PLB1: variants seen among roughly 807,000 people sequenced by gnomAD.
PLB1 encodes the protein phospholipase B1, membrane-associated.
In PLB1, 242 loss-of-function variants were observed where a neutral mutation model predicts 227.4. The ratio of observed to expected loss-of-function variants is 1.06; its 90% CI spans 0.96 to 1.18. PLB1 has a LOEUF of 1.18. PLB1 is among the 50% of genes most tolerant of loss of function. The pLI, the probability that PLB1 is intolerant of heterozygous loss-of-function variation, is 0.00. For missense variants in PLB1, 1,858 were observed against 1,816.3 expected (o/e 1.02, Z -0.42); for synonymous variants, 757 against 682.2 (o/e 1.11, Z -1.71).
At chr2:28,630,052 T>G (rs1187525347) in intron 53 of PLB1, among the ~76,000 whole-genome samples, 1 of 152,188 alleles carries the variant, frequency 6.6e-6, no homozygotes, top group African/African-American at 2.4e-5. Context: ...GTGTTCCATG[T>G]TGTCAGAGTT....
At chr2:28,549,408 C>CTTT (rs1572906840) in intron 15 of PLB1, among the ~76,000 whole-genome samples, 4 of 60,676 alleles carry the variant, frequency 6.6e-5, no homozygotes, top group South Asian at 6.0e-4. Context: ...GAATGAGATT[C>CTTT]TTTCTTTTTT....
At chr2:28,556,093 GC>G (rs548461055) in intron 17 of PLB1, among the ~76,000 whole-genome samples, 72 of 151,964 alleles carry the variant, frequency 4.7e-4, no homozygotes, top group Non-Finnish European at 8.2e-4. Context: ...GAACTCCTGG[GC>G]TCAAATGATC....
At chr2:28,568,082 T>C (rs1255624308) in intron 20 of PLB1, among the ~76,000 whole-genome samples, 1 of 152,218 alleles carries the variant, frequency 6.6e-6, no homozygotes, top group Admixed American at 6.5e-5. Context: ...CTTCACTTTA[T>C]CTGTTTTGGT....
At chr2:28,627,662 C>T (rs1295249576) in intron 51 of PLB1, among the ~76,000 whole-genome samples, 1 of 152,214 alleles carries the variant, frequency 6.6e-6, no homozygotes. Flanking sequence ...TGGCCAGAAA[C>T]TCAGCGAACA....
intron 21 of PLB1, among the ~76,000 whole-genome samples, chr2:28,576,272 C>G (rs556845199): frequency 2.0e-5 from 3 of 152,330 alleles, no homozygotes; most frequent in African/African-American, 7.2e-5. Flanking sequence ...CATAGTCCAG[C>G]CTTGTGCCCT....
At chr2:28,635,226 T>TTAATTTAATGTTAATGTTTAGTTTAATG (rs1412297450) in intron 56 of PLB1, among the ~76,000 whole-genome samples, 3 of 152,204 alleles carry the variant, frequency 2.0e-5, no homozygotes, top group Non-Finnish European at 2.9e-5. Context: ...AGTCTAATGT[T>TTAATTTAATGTTAATGTTTAGTTTAATG]TTCATCCAAA....
At chr2:28,516,964 C>CA (rs1307841539) in intron 2 of PLB1, 95 bp downstream of exon 2, 2 of 1,255,874 alleles carry the variant, frequency 1.6e-6, no homozygotes, top group African/African-American at 3.0e-5. Flanking sequence ...TGCAAGTTGA[C>CA]AGGCCCCTTC....
At chr2:28,498,380 A>G (rs1048378138) in intron 1 of PLB1, among the ~76,000 whole-genome samples, 4 of 148,756 alleles carry the variant, frequency 2.7e-5, no homozygotes, top group African/African-American at 7.3e-5. Flanking sequence ...CACTCAGGTT[A>G]TATAATCAAA....
chr2:28,629,035 C>T (rs1688221756), intron 52 of PLB1, 59 bp from the exon 53 acceptor site: 3 of 1,448,772 alleles, frequency 2.1e-6, no homozygotes, highest in South Asian at 2.5e-5. Flanking sequence ...GTAGATGACC[C>T]CCAGGTTCCT....
intron 45 of PLB1, 98 bp downstream of exon 45, chr2:28,617,885 C>T (rs1686423994): frequency 8.1e-7 from 1 of 1,234,844 alleles, no homozygotes; most frequent in Non-Finnish European, 1.2e-6. Context: ...TTAAGCAGGA[C>T]TTGCTAATTC....
rs537584332 is a variant in PLB1 at position 28,582,005 on chromosome 2, G to A, written c.1567-63G>A. The A allele has an allele frequency of 6.1e-6, 9 of 1,472,706 alleles. No individual in the cohort carries two copies. The South Asian group carries it at 9.2e-5, about 15-fold the overall frequency. The allele number at this position is 1,472,706 out of a possible 1,614,324, so 91.2% of individuals were successfully genotyped here. A position where few individuals can be genotyped will look rare whatever the true frequency, so the allele number is the denominator to read the frequency against. On this transcript the variant is annotated intron_variant, in intron 23 of 57. Coordinates refer to ENST00000327757, the MANE Select transcript of PLB1 (RefSeq NM_153021.5). ...AGAAGGGGACCCAAGAGAGAAAGTAGCCCTGTTCTGTAGAGAGATTAGGTG... is the reference window on the plus strand; with the variant it reads ...AGAAGGGGACCCAAGAGAGAAAGTAACCCTGTTCTGTAGAGAGATTAGGTG...
At chr2:28,581,575 C>T (rs1218639776) in intron 23 of PLB1, among the ~76,000 whole-genome samples, 2 of 151,924 alleles carry the variant, frequency 1.3e-5, no homozygotes, top group African/African-American at 4.8e-5. Flanking sequence ...CTGAGGGCCA[C>T]AGCCATGACA....
intron 9 of PLB1, among the ~76,000 whole-genome samples, chr2:28,534,842 A>AGACTCT (rs1417004978): frequency 6.6e-6 from 1 of 150,838 alleles, no homozygotes; most frequent in African/African-American, 2.4e-5. Flanking sequence ...TGACAGAGAG[A>AGACTCT]GACTCTGTCT....
rs751517625 is a variant in PLB1 at position 28,620,622 on chromosome 2, G to T, written c.3406G>T (p.Glu1136Ter). Residue 1136 changes from glutamate (E) to a stop codon, truncating the protein, a stop_gained, in exon 48 of 58, where the codon GAG (glutamate) becomes TAG (stop). Coordinates refer to ENST00000327757, the MANE Select transcript of PLB1 (RefSeq NM_153021.5). LOFTEE classifies it high-confidence loss of function. ...SWSIGGDGNL[E>*]THTTLPNILK... is the part of the protein sequence containing the mutation. ...CAGCATTGGAGGGGATGGGAACTTG[G>T]AGACTCACACCACACTGCCCAGTAA... is the stretch of plus-strand genomic sequence containing the variant. 6.2e-7 allele frequency: 1 copy of T among 1,613,920 alleles called. No homozygotes were observed.
At chr2:28,582,321 C>G (rs1680167448) in intron 24 of PLB1, 84 bp from the exon 25 acceptor site, 1 of 1,297,274 alleles carries the variant, frequency 7.7e-7, no homozygotes, top group African/African-American at 1.5e-5. Context: ...AGATCTGAAA[C>G]TTCAGCAGGA....
intron 45 of PLB1, 40 bp downstream of exon 45, chr2:28,617,827 T>A: frequency 6.3e-7 from 1 of 1,575,752 alleles, no homozygotes. Flanking sequence ...TTAAGGGCCT[T>A]GCCGAATATC....
At chr2:28,627,956 TGCTATAAA>T (rs1688037203) in intron 51 of PLB1, among the ~76,000 whole-genome samples, 1 of 152,196 alleles carries the variant, frequency 6.6e-6, no homozygotes, top group African/African-American at 2.4e-5. Context: ...CATCTCCCTC[TGCTATAAA>T]GCAAAGCCCT....
At chr2:28,586,131 A>G (rs563975468) in intron 26 of PLB1, among the ~76,000 whole-genome samples, 3 of 152,348 alleles carry the variant, frequency 2.0e-5, no homozygotes, top group African/African-American at 7.2e-5. Flanking sequence ...TCATGGAAAG[A>G]AGTTTCAGAG....
chr2:28,633,976 C>G (rs1689002437), intron 56 of PLB1, among the ~76,000 whole-genome samples: 3 of 152,216 alleles, frequency 2.0e-5, no homozygotes. Context: ...CGTTCCCACC[C>G]CTGTCAGCTC....
Sources: gnomAD v4.1 joint callset for allele counts (sites outside exome capture counted in the v4.1 genomes callset) on GRCh38, gnomAD v4.1.1 for gene constraint, MANE v1.5 for transcripts, NCBI Gene and HGNC (gene_info 2026-07-23, HGNC 2026-07-21) for gene names.